Variants in LRRC4C observed in about 807,000 individuals in gnomAD.
The protein encoded by LRRC4C is leucine-rich repeat-containing protein 4C.
In LRRC4C, 5 loss-of-function variants were observed where a neutral mutation model predicts 33.6. The ratio of observed to expected loss-of-function variants is 0.15; its 90% CI spans 0.08 to 0.31. The LOEUF (loss-of-function observed/expected upper bound fraction) is 0.31, where lower values mean the gene tolerates loss of function less well. LRRC4C is among the 10% of genes least tolerant of loss of function. The pLI, the probability that LRRC4C is intolerant of heterozygous loss-of-function variation, is 1.00. For synonymous variants in LRRC4C, 329 were observed against 302.0 expected (o/e 1.09, Z -0.93); for missense variants, 560 against 796.7 (o/e 0.70, Z 3.58).
At chr11:41,287,102 A>G (rs536829428) in intron 1 of LRRC4C, among the ~76,000 whole-genome samples, 8 of 152,220 alleles carry the variant, frequency 5.3e-5, no homozygotes, top group Non-Finnish European at 1.0e-4. Context: ...AACAATAAAA[A>G]GAATTAAATT....
At chr11:41,220,533 TACACAC>T (rs3067232) in intron 1 of LRRC4C, among the ~76,000 whole-genome samples, 105 of 144,338 alleles carry the variant, frequency 7.3e-4, no homozygotes, top group South Asian at 2.2e-3. Context: ...CACACAGACA[TACACAC>T]ACACACACAC....
intron 3 of LRRC4C, among the ~76,000 whole-genome samples, chr11:40,386,532 T>C (rs983430093): frequency 2.0e-5 from 3 of 152,212 alleles, no homozygotes; most frequent in African/African-American, 7.2e-5. Flanking sequence ...CATTAGGTCT[T>C]TCTTCCATCT....
At chr11:41,194,273 A>C (rs1946088282) in intron 1 of LRRC4C, among the ~76,000 whole-genome samples, 1 of 152,130 alleles carries the variant, frequency 6.6e-6, no homozygotes, top group African/African-American at 2.4e-5. Flanking sequence ...GGTAGACAAA[A>C]GTTAAACATG....
intron 2 of LRRC4C, among the ~76,000 whole-genome samples, chr11:40,908,904 G>C (rs1315094693): frequency 1.3e-5 from 2 of 152,226 alleles, no homozygotes; most frequent in Middle Eastern, 3.4e-3. Flanking sequence ...GCAAAGCACT[G>C]GGCTGGGTAT....
intron 4 of LRRC4C, among the ~76,000 whole-genome samples, chr11:40,259,575 A>G (rs1240633335): frequency 6.6e-6 from 1 of 151,914 alleles, no homozygotes; most frequent in Non-Finnish European, 1.5e-5. Flanking sequence ...ATCCATCTTG[A>G]ATTGATTTTT....
chr11:41,004,636 A>G (rs138241281), intron 1 of LRRC4C, among the ~76,000 whole-genome samples: 2 of 152,304 alleles, frequency 1.3e-5, no homozygotes, highest in East Asian at 3.9e-4. Context: ...CATGACCTAC[A>G]TAGCACAGTA....
intron 1 of LRRC4C, among the ~76,000 whole-genome samples, chr11:41,151,896 G>T (rs1944016435): frequency 6.6e-6 from 1 of 152,208 alleles, no homozygotes; most frequent in Non-Finnish European, 1.5e-5. Context: ...AATGTCTAAT[G>T]TAAAAAGTTC....
At chr11:41,067,514 T>C (rs1460382149) in intron 1 of LRRC4C, among the ~76,000 whole-genome samples, 1 of 151,976 alleles carries the variant, frequency 6.6e-6, no homozygotes, top group African/African-American at 2.4e-5. Flanking sequence ...TTGAGACCAA[T>C]AATTAACAAG....
intron 4 of LRRC4C, among the ~76,000 whole-genome samples, chr11:40,275,438 A>T (rs1324079995): frequency 6.6e-6 from 1 of 152,116 alleles, no homozygotes; most frequent in Non-Finnish European, 1.5e-5. Context: ...TCTCCCCATC[A>T]TATCCATACT....
chr11:41,291,812 G>A (rs910436480), intron 1 of LRRC4C, among the ~76,000 whole-genome samples: 6 of 152,116 alleles, frequency 3.9e-5, no homozygotes, highest in African/African-American at 1.4e-4. Flanking sequence ...AAGGAGGAGA[G>A]AATTATAATT....
intron 5 of LRRC4C, among the ~76,000 whole-genome samples, chr11:40,224,346 A>G (rs1056719279): frequency 6.6e-6 from 1 of 152,312 alleles, no homozygotes; most frequent in East Asian, 1.9e-4. Flanking sequence ...GCTTTATTTA[A>G]TAACTTTTAA....
chr11:40,566,284 T>C (rs1293274553), intron 3 of LRRC4C, among the ~76,000 whole-genome samples: 4 of 151,890 alleles, frequency 2.6e-5, no homozygotes, highest in African/African-American at 9.7e-5. Context: ...TATTATATAA[T>C]TCATATTAAA....
At chr11:41,113,198 G>A (rs1325578054) in intron 1 of LRRC4C, among the ~76,000 whole-genome samples, 1 of 151,896 alleles carries the variant, frequency 6.6e-6, no homozygotes, top group Non-Finnish European at 1.5e-5. Context: ...GGCTAGCAAA[G>A]GATTAACTTA....
intron 1 of LRRC4C, among the ~76,000 whole-genome samples, chr11:41,211,815 G>T (rs536475683): frequency 1.3e-5 from 2 of 152,276 alleles, no homozygotes; most frequent in African/African-American, 4.8e-5. Context: ...CTTTATAGCA[G>T]CATGATTTAT....
chr11:41,414,220 C>T (rs889911688), intron 1 of LRRC4C, among the ~76,000 whole-genome samples: 6 of 152,066 alleles, frequency 3.9e-5, no homozygotes, highest in East Asian at 1.9e-4. Flanking sequence ...CCTATGTTCC[C>T]GAATTTGAAT....
intron 3 of LRRC4C, among the ~76,000 whole-genome samples, chr11:40,626,952 A>C (rs1176431354): frequency 6.6e-6 from 1 of 151,576 alleles, no homozygotes; most frequent in Non-Finnish European, 1.5e-5. Flanking sequence ...GATTTTTCCC[A>C]CTTTCTCTGC....
intron 4 of LRRC4C, chr11:40,293,411 G>C (rs910832568): frequency 2.0e-5 from 3 of 151,966 alleles, no homozygotes; most frequent in African/African-American, 7.3e-5. Flanking sequence ...CCGGGATCAC[G>C]GGGGAGACGC....
At chr11:41,273,786 G>A (rs1223368398) in intron 1 of LRRC4C, among the ~76,000 whole-genome samples, 1 of 152,192 alleles carries the variant, frequency 6.6e-6, no homozygotes, top group African/African-American at 2.4e-5. Context: ...ATTTTTGGAT[G>A]TGATGGATAT....
intron 1 of LRRC4C, among the ~76,000 whole-genome samples, chr11:41,020,870 G>A (rs984834292): frequency 6.6e-6 from 1 of 151,962 alleles, no homozygotes; most frequent in African/African-American, 2.4e-5. Flanking sequence ...TAAATGTGTT[G>A]TTTCCTCTTC....
Sources: gnomAD v4.1 joint callset for allele counts (sites outside exome capture counted in the v4.1 genomes callset) on GRCh38, gnomAD v4.1.1 for gene constraint, MANE v1.5 for transcripts, NCBI Gene and HGNC (gene_info 2026-07-23, HGNC 2026-07-21) for gene names.